CDK6: variants seen among roughly 807,000 people sequenced by gnomAD.
CDK6 encodes cyclin dependent kinase 6, also known as cyclin-dependent kinase 6.
In CDK6, 6 loss-of-function variants were observed where a neutral mutation model predicts 37.1. The observed-to-expected ratio is 0.16, with a 90% CI of 0.09 to 0.32. CDK6 has a LOEUF of 0.32. Among genes scored for constraint, CDK6 ranks in the 10% least tolerant of loss-of-function variants. The pLI is 1.00. For missense variants in CDK6, 224 were observed against 418.9 expected (o/e 0.53, Z 4.06); for synonymous variants, 160 against 161.3 (o/e 0.99, Z 0.06).
At chr7:92,627,289 T>C (rs1795949293) in intron 5 of CDK6, among the ~76,000 whole-genome samples, 1 of 152,110 alleles carries the variant, frequency 6.6e-6, no homozygotes, top group Non-Finnish European at 1.5e-5. Flanking sequence ...TGCCTGGGAC[T>C]AGGGGATTTG....
chr7:92,622,459 A>T (rs927133850), intron 6 of CDK6, among the ~76,000 whole-genome samples: 6 of 152,186 alleles, frequency 3.9e-5, no homozygotes. Context: ...ACTATGTGCC[A>T]GGCACTGTGT....
At chr7:92,736,518 GAGGAAGGCTGGT>G (rs1798790792) in intron 3 of CDK6, among the ~76,000 whole-genome samples, 2 of 152,190 alleles carry the variant, frequency 1.3e-5, no homozygotes, top group Non-Finnish European at 2.9e-5. Flanking sequence ...GCCAATCTGG[GAGGAAGGCTGGT>G]ATTAGTTTTG....
At chr7:92,749,475 A>C (rs1459216493) in intron 3 of CDK6, among the ~76,000 whole-genome samples, 1 of 152,158 alleles carries the variant, frequency 6.6e-6, no homozygotes, top group Non-Finnish European at 1.5e-5. Flanking sequence ...AAAAACAAAA[A>C]CAAACCAAAA....
intron 3 of CDK6, among the ~76,000 whole-genome samples, chr7:92,757,683 G>T (rs565625478): frequency 6.6e-6 from 1 of 152,316 alleles, no homozygotes; most frequent in African/African-American, 2.4e-5. Context: ...TAAAGGGATT[G>T]CTGGGTCGAA....
At position 92,634,068 on chromosome 7, in the gene CDK6, G is replaced by C. The variant is rs972334659; in HGVS notation, c.648-10982C>G. On this transcript the variant is annotated intron_variant, in intron 5 of 7. Coordinates refer to ENST00000424848, the MANE Select transcript of CDK6 (RefSeq NM_001145306.2). ...AATTTTTATATAATCAAATATATTA[G>C]TATTTTTGTTTGTGACTTCTTAATG... Among the ~76,000 whole-genome samples the C allele has an allele frequency of 5.3e-5, 8 of 152,114 alleles. No homozygotes were observed. In the South Asian group the frequency reaches 1.7e-3, roughly 32 times the overall value.
chr7:92,785,751 T>A (rs1459577436), intron 2 of CDK6, among the ~76,000 whole-genome samples: 4 of 152,112 alleles, frequency 2.6e-5, no homozygotes, highest in Admixed American at 2.0e-4. Flanking sequence ...CAGAGGTCAG[T>A]GATGGGGAGA....
At chr7:92,751,396 T>G (rs1261269596) in intron 3 of CDK6, among the ~76,000 whole-genome samples, 1 of 152,196 alleles carries the variant, frequency 6.6e-6, no homozygotes. Context: ...ATGTATCATG[T>G]GTAAAAGTTG....
chr7:92,776,734 C>T (rs1481038399), intron 2 of CDK6, among the ~76,000 whole-genome samples: 5 of 151,990 alleles, frequency 3.3e-5, no homozygotes, highest in African/African-American at 1.2e-4. Context: ...CTGTTCATAT[C>T]CTTTGTCCAC....
intron 3 of CDK6, among the ~76,000 whole-genome samples, chr7:92,735,418 C>A (rs1371031954): frequency 1.3e-5 from 2 of 152,112 alleles, no homozygotes; most frequent in Admixed American, 1.3e-4. Context: ...CAGCTCTTCC[C>A]CGCTCCTCTA....
chr7:92,727,993 A>G (rs993643884), intron 3 of CDK6, among the ~76,000 whole-genome samples: 1 of 152,204 alleles, frequency 6.6e-6, no homozygotes. Context: ...TAGCCTCTAT[A>G]CAGTTAAGTG....
At chr7:92,756,325 G>T (rs985506499) in intron 3 of CDK6, among the ~76,000 whole-genome samples, 4 of 152,184 alleles carry the variant, frequency 2.6e-5, no homozygotes, top group African/African-American at 9.7e-5. Context: ...ATTTCAAAAA[G>T]GCACAACAAA....
rs1795588702 is a variant in CDK6 at position 92,612,729 on chromosome 7, A to G, written c.*2411T>C. 8.6e-6 allele frequency: 2 copies of G among 233,156 alleles called. No individual in the cohort carries two copies. The highest frequency in any genetic ancestry group is 4.4e-5 in the African/African-American group (2 of 45,474). 14.4% of individuals were successfully genotyped at this position (233,156 alleles called of 1,614,324 possible). A position where few individuals can be genotyped will look rare whatever the true frequency, so the allele number is the denominator to read the frequency against. ...GAGCTCTCTACTCATTTAAAATTCT[A>G]AAGAATGCTGAAAAATTCCAGTTCA... On this transcript the variant is annotated 3_prime_UTR_variant, in exon 8 of 8. Transcript: ENST00000424848.
intron 3 of CDK6, among the ~76,000 whole-genome samples, chr7:92,744,534 T>G (rs1237259797): frequency 2.0e-5 from 3 of 152,202 alleles, no homozygotes; most frequent in Non-Finnish European, 4.4e-5. Context: ...AGACCTCAGT[T>G]TTCCTTTGGG....
At chr7:92,796,319 A>T (rs1800411463) in intron 2 of CDK6, among the ~76,000 whole-genome samples, 1 of 152,126 alleles carries the variant, frequency 6.6e-6, no homozygotes, top group African/African-American at 2.4e-5. Context: ...AAATTAGCAG[A>T]TAACAAGTAG....
intron 2 of CDK6, among the ~76,000 whole-genome samples, chr7:92,778,357 A>T (rs1799901212): frequency 6.6e-6 from 1 of 152,292 alleles, no homozygotes; most frequent in African/African-American, 2.4e-5. Context: ...CCATTCCTAA[A>T]CTTAATATTT....
At chr7:92,731,116 G>A (rs1798637655) in intron 3 of CDK6, among the ~76,000 whole-genome samples, 1 of 152,194 alleles carries the variant, frequency 6.6e-6, no homozygotes, top group Non-Finnish European at 1.5e-5. Flanking sequence ...CCCACATCAA[G>A]CTTGCTGTAT....
intron 2 of CDK6, among the ~76,000 whole-genome samples, chr7:92,826,149 G>A (rs1054170671): frequency 1.7e-4 from 26 of 151,934 alleles, no homozygotes; most frequent in African/African-American, 1.2e-4. Flanking sequence ...CACTTGTTAC[G>A]TATTCACCTT....
At chr7:92,735,141 A>C (rs976285334) in intron 3 of CDK6, among the ~76,000 whole-genome samples, 2 of 152,214 alleles carry the variant, frequency 1.3e-5, no homozygotes, top group African/African-American at 2.4e-5. Flanking sequence ...AGAGTTTCTC[A>C]AAGTACAGTC....
At chr7:92,714,794 T>C (rs1392158792) in intron 4 of CDK6, among the ~76,000 whole-genome samples, 1 of 152,188 alleles carries the variant, frequency 6.6e-6, no homozygotes, top group African/African-American at 2.4e-5. Flanking sequence ...TTTACAGTTT[T>C]TTTTTTTCTT....
Sources: allele counts gnomAD v4.1 joint callset (sites outside exome capture counted in the v4.1 genomes callset), GRCh38; gene constraint gnomAD v4.1.1; transcripts MANE v1.5; gene names NCBI Gene and HGNC (gene_info 2026-07-23, HGNC 2026-07-21).